Variants in CMSS1 observed in about 807,000 individuals in gnomAD.
The protein encoded by CMSS1 is cms1 ribosomal small subunit homolog, also known as protein CMSS1.
Under a neutral mutation model 43.5 loss-of-function variants are expected in CMSS1, and 33 were observed. The ratio of observed to expected loss-of-function variants is 0.76; its 90% CI spans 0.57 to 1.01. The LOEUF is 1.01. CMSS1 is among the 50% of genes least tolerant of loss of function. The pLI, the probability that CMSS1 is intolerant of heterozygous loss-of-function variation, is 0.00. For synonymous variants in CMSS1, 115 were observed against 117.2 expected (o/e 0.98, Z 0.12); for missense variants, 313 against 326.4 (o/e 0.96, Z 0.32).
At chr3:99,947,730 A>G (rs1434267385) in intron 1 of CMSS1, among the ~76,000 whole-genome samples, 2 of 152,242 alleles carry the variant, frequency 1.3e-5, no homozygotes, top group African/African-American at 4.8e-5. Context: ...AATACTTTTA[A>G]TAAGGTAAAA....
intron 1 of CMSS1, among the ~76,000 whole-genome samples, chr3:99,949,633 A>C (rs1201693494): frequency 1.3e-5 from 2 of 152,228 alleles, no homozygotes; most frequent in Non-Finnish European, 2.9e-5. Context: ...CCTAAGAAAG[A>C]CAAAGAAGTG....
Position 99,905,227 on chromosome 3 carries a change from A to G in CMSS1, c.64+87184A>G, listed in dbSNP as rs562565371. 1.1e-4 allele frequency among the ~76,000 whole-genome samples: 16 copies of G among 152,268 alleles called. No individual in the cohort carries two copies. In the South Asian group the frequency reaches 2.7e-3, roughly 26 times the overall value. ...TATTTCTCCCCTGGGACTATCATCT[A>G]CTACTGTTTCAACTTCCCTTCTGTG... On this transcript the variant is annotated intron_variant, in intron 1 of 9. Transcript: ENST00000421999.
At chr3:100,110,263 G>A (rs772464747) in intron 1 of CMSS1, among the ~76,000 whole-genome samples, 7 of 152,082 alleles carry the variant, frequency 4.6e-5, no homozygotes, top group Non-Finnish European at 7.4e-5. Flanking sequence ...AGAGATGTTA[G>A]GGGCAGCTGA....
intron 1 of CMSS1, chr3:99,847,807 G>A: frequency 3.5e-6 from 1 of 286,876 alleles, no homozygotes; most frequent in Non-Finnish European, 5.2e-6. Context: ...CCATAAATGG[G>A]ACATAGGTCC....
intron 1 of CMSS1, among the ~76,000 whole-genome samples, chr3:99,891,722 A>G (rs1305098563): frequency 6.6e-6 from 1 of 152,162 alleles, no homozygotes; most frequent in Non-Finnish European, 1.5e-5. Flanking sequence ...AAATTAAGAA[A>G]TGGAGTTTTA....
chr3:99,895,347 A>G (rs1013539454), intron 1 of CMSS1, among the ~76,000 whole-genome samples: 16 of 150,130 alleles, frequency 1.1e-4, no homozygotes, highest in African/African-American at 3.9e-4. Context: ...AGTTGGTCTC[A>G]TATATTTAGT....
chr3:99,942,090 G>T (rs771175266), intron 1 of CMSS1, among the ~76,000 whole-genome samples: 1 of 152,074 alleles, frequency 6.6e-6, no homozygotes, highest in Non-Finnish European at 1.5e-5. Flanking sequence ...GGTGGTGGGC[G>T]CCTGTAGTCC....
chr3:99,992,283 A>G (rs906338133), intron 1 of CMSS1, among the ~76,000 whole-genome samples: 3 of 152,094 alleles, frequency 2.0e-5, no homozygotes, highest in African/African-American at 4.8e-5. Flanking sequence ...TTACATTCCC[A>G]TCAACAGTAT....
At chr3:100,120,620 C>T (rs1468524562) in intron 1 of CMSS1, among the ~76,000 whole-genome samples, 1 of 152,176 alleles carries the variant, frequency 6.6e-6, no homozygotes, top group Non-Finnish European at 1.5e-5. Flanking sequence ...AAAGACAAAA[C>T]GTTGTCCTGT....
intron 1 of CMSS1, among the ~76,000 whole-genome samples, chr3:100,102,436 T>G (rs1339503945): frequency 6.6e-6 from 1 of 152,190 alleles, no homozygotes. Context: ...GCCTAAGATG[T>G]GCACAGAAGA....
intron 1 of CMSS1, among the ~76,000 whole-genome samples, chr3:99,854,874 G>A (rs1329746397): frequency 6.6e-6 from 1 of 152,144 alleles, no homozygotes; most frequent in Non-Finnish European, 1.5e-5. Context: ...TTCCCTGCTA[G>A]TGGCCTATTC....
intron 1 of CMSS1, among the ~76,000 whole-genome samples, chr3:99,908,592 G>A (rs777737993): frequency 2.0e-5 from 3 of 152,166 alleles, no homozygotes; most frequent in Non-Finnish European, 4.4e-5. Context: ...CTCCTCTCCA[G>A]TTACTAGCAG....
intron 1 of CMSS1, among the ~76,000 whole-genome samples, chr3:99,919,421 G>A (rs1007007244): frequency 6.7e-6 from 1 of 148,348 alleles, no homozygotes; most frequent in Non-Finnish European, 1.5e-5. Flanking sequence ...CCAGTATCTA[G>A]TATGGGACCT....
intron 1 of CMSS1, among the ~76,000 whole-genome samples, chr3:99,841,482 AACC>A (rs1474394223): frequency 1.3e-5 from 2 of 152,188 alleles, no homozygotes; most frequent in Non-Finnish European, 2.9e-5. Context: ...ATTAGCTTGT[AACC>A]ACCACAGGCA....
chr3:100,098,395 T>G (rs1283874293), intron 1 of CMSS1, among the ~76,000 whole-genome samples: 1 of 152,200 alleles, frequency 6.6e-6, no homozygotes, highest in Admixed American at 6.5e-5. Flanking sequence ...CAGGCTAAAC[T>G]TTCTCATCTG....
intron 1 of CMSS1, among the ~76,000 whole-genome samples, chr3:100,000,575 C>T (rs1559720570): frequency 1.3e-5 from 2 of 152,126 alleles, no homozygotes; most frequent in African/African-American, 2.4e-5. Flanking sequence ...TCTGACCAGG[C>T]GCAGTAGCTT....
chr3:99,873,777 T>G (rs188689948), intron 1 of CMSS1, among the ~76,000 whole-genome samples: 1 of 152,336 alleles, frequency 6.6e-6, no homozygotes, highest in Admixed American at 6.5e-5. Context: ...AGGCTTGATT[T>G]GTGTTTTCAT....
At chr3:99,976,359 G>A (rs1425698132) in intron 1 of CMSS1, among the ~76,000 whole-genome samples, 1 of 152,180 alleles carries the variant, frequency 6.6e-6, no homozygotes, top group Non-Finnish European at 1.5e-5. Context: ...GGATAGGGAT[G>A]TCTATTTTTA....
intron 1 of CMSS1, among the ~76,000 whole-genome samples, chr3:99,911,679 A>G (rs1706793195): frequency 1.3e-5 from 2 of 152,152 alleles, no homozygotes; most frequent in Non-Finnish European, 1.5e-5. Flanking sequence ...AAACCTTCAC[A>G]TTCGCTCCCT....
Sources: allele counts gnomAD v4.1 joint callset (sites outside exome capture counted in the v4.1 genomes callset), GRCh38; gene constraint gnomAD v4.1.1; transcripts MANE v1.5; gene names NCBI Gene and HGNC (gene_info 2026-07-23, HGNC 2026-07-21).